The following CA7 variants were observed in gnomAD, a reference collection of about 807,000 sequenced individuals.
CA7 encodes the protein carbonate dehydratase VII.
A neutral mutation model predicts 31.4 loss-of-function variants in CA7; 13 were observed. The observed-to-expected ratio is 0.41, with a 90% CI of 0.27 to 0.66. The LOEUF (loss-of-function observed/expected upper bound fraction) is 0.66. Among genes scored for constraint, CA7 ranks in the 30% least tolerant of loss-of-function variants. CA7 has a pLI of 0.28. For synonymous variants in CA7, 128 were observed against 133.2 expected (o/e 0.96, Z 0.27); for missense variants, 215 against 351.0 (o/e 0.61, Z 3.10).
At chr16:66,845,210 CAG>C in intron 1 of CA7, 1 of 985,396 alleles carries the variant, frequency 1.0e-6, no homozygotes, top group Non-Finnish European at 1.2e-6. Flanking sequence ...CCTTAGGACT[CAG>C]AGAAAGGGAG....
intron 1 of CA7, chr16:66,844,885 G>A: frequency 6.6e-6 from 7 of 1,065,280 alleles, no homozygotes; most frequent in Non-Finnish European, 8.0e-6. Flanking sequence ...GCAGCGGGGG[G>A]CGGGCGCCGC....
chr16:66,849,756 C>T (rs912514853), intron 2 of CA7, among the ~76,000 whole-genome samples: 1 of 152,074 alleles, frequency 6.6e-6, no homozygotes, highest in Non-Finnish European at 1.5e-5. Context: ...TGCCACCTGC[C>T]GGCTGTCAGG....
intron 6 of CA7, 116 bp downstream of exon 6, chr16:66,852,983 C>T (rs557867494): frequency 1.4e-5 from 12 of 878,808 alleles, no homozygotes; most frequent in Non-Finnish European, 2.0e-5. Context: ...GGTTCCTCCC[C>T]ATTTTTTACT....
rs1960948998 is a variant in CA7 at position 66,847,259 on chromosome 16, GCCCCTGGCC to G, written c.238+35_238+43del. The G allele has an allele frequency of 5.0e-6, 8 of 1,599,482 alleles. No individual in the cohort carries two copies. The African/African-American group carries it at 6.7e-5, about 13-fold the overall frequency. ...GGCCCCTGCCAAAGCCTGGCACCTGGCCCCTGGCCCCTTAGGGTCCTAACCTTGTGTTGG... is the reference window on the plus strand; with the variant it reads ...GGCCCCTGCCAAAGCCTGGCACCTGGCCTTAGGGTCCTAACCTTGTGTTGG... On this transcript the variant is annotated intron_variant, in intron 2 of 6. Transcript: ENST00000338437.
chr16:66,846,957 C>T (rs575554312), intron 1 of CA7, 73 bp from the exon 2 acceptor site: 12 of 1,286,322 alleles, frequency 9.3e-6, no homozygotes, highest in South Asian at 6.1e-5. Context: ...AGACCATTCC[C>T]CTATGGGTGT....
At chr16:66,852,105 T>G (rs1961068966) in intron 5 of CA7, among the ~76,000 whole-genome samples, 1 of 152,072 alleles carries the variant, frequency 6.6e-6, no homozygotes, top group South Asian at 2.1e-4. Flanking sequence ...GCATCTGGGA[T>G]CACAGACATT....
intron 2 of CA7, among the ~76,000 whole-genome samples, chr16:66,847,877 G>A (rs745607705): frequency 6.6e-6 from 1 of 152,202 alleles, no homozygotes; most frequent in African/African-American, 2.4e-5. Context: ...TTTGCCCTGG[G>A]ATTAGAGTCC....
At chr16:66,848,565 A>C (rs993978397) in intron 2 of CA7, among the ~76,000 whole-genome samples, 4 of 151,730 alleles carry the variant, frequency 2.6e-5, no homozygotes, top group Non-Finnish European at 5.9e-5. Flanking sequence ...CAGAATGCCC[A>C]GGCCGGAGGG....
At chr16:66,850,700 A>G in intron 3 of CA7, 41 bp downstream of exon 3, 1 of 1,419,016 alleles carries the variant, frequency 7.0e-7, no homozygotes, top group Non-Finnish European at 1.0e-6. Flanking sequence ...GCTACATGGG[A>G]AGGAACGCAG....
chr16:66,844,419 C>T lies in CA7; in HGVS notation c.-69C>T. The T allele has an allele frequency of 2.9e-6, 4 of 1,366,232 alleles. No individual in the cohort carries two copies. Among genetic ancestry groups the T allele is most frequent in the Non-Finnish European group, 4.0e-6 (4 of 1,007,314 alleles). The allele number at this position is 1,366,232 out of a possible 1,614,324, so 84.6% of individuals were successfully genotyped here. On this transcript the variant is annotated 5_prime_UTR_variant, in exon 1 of 7. Transcript: ENST00000338437. ...GCTGCTCCGCGGTAGCGAGCGGGGCCGGAGCCGCAGCCCGAACGAGCGGAC... is the reference window on the plus strand; with the variant it reads ...GCTGCTCCGCGGTAGCGAGCGGGGCTGGAGCCGCAGCCCGAACGAGCGGAC...
intron 1 of CA7, 87 bp downstream of exon 1, chr16:66,844,614 A>G: frequency 8.4e-7 from 1 of 1,190,956 alleles, no homozygotes; most frequent in Non-Finnish European, 1.2e-6. Context: ...CTGGTTTCCC[A>G]GACCGGAAAG....
intron 1 of CA7, 144 bp from the exon 2 acceptor site, chr16:66,846,886 G>T: frequency 1.5e-6 from 1 of 658,764 alleles, no homozygotes. Context: ...GCAAAGCTGG[G>T]ATTGGAACTC....
At chr16:66,850,133 A>G (rs953441337) in intron 2 of CA7, among the ~76,000 whole-genome samples, 3 of 151,518 alleles carry the variant, frequency 2.0e-5, no homozygotes, top group Non-Finnish European at 4.4e-5. Context: ...AAAAAAAAAA[A>G]AAAAAAAAAA....
chr16:66,850,332 C>CG (rs1167537385), intron 2 of CA7, among the ~76,000 whole-genome samples: 6 of 151,592 alleles, frequency 4.0e-5, no homozygotes, highest in Non-Finnish European at 5.9e-5. Context: ...CCCAGCTACT[C>CG]GGGGGGGCCA....
At chr16:66,852,596 AGAAAAGAAAAG>A (rs199939840) in intron 5 of CA7, 105 bp from the exon 6 acceptor site, 2 of 246,442 alleles carry the variant, frequency 8.1e-6, no homozygotes, top group Non-Finnish European at 1.2e-5. Context: ...GAAAAAAAAA[AGAAAAGAAAAG>A]AAAAAAGAAA....
chr16:66,847,026 G>A lies in CA7; in HGVS notation c.41-4G>A, dbSNP rs1446256466. Reference sequence around the variant, plus strand: ...TGAGTCCTTGCCCTCCTCCCCACCTGCAGGCCCCTCGCATTGGCACAAGCT... The same window carrying A: ...TGAGTCCTTGCCCTCCTCCCCACCTACAGGCCCCTCGCATTGGCACAAGCT... On this transcript the variant is annotated splice_polypyrimidine_tract_variant and splice_region_variant and intron_variant, in intron 1 of 6. Transcript: ENST00000338437. 4 of 1,614,028 alleles carry A rather than the reference G, an allele frequency of 2.5e-6. No individual in the cohort carries two copies. In the Admixed American group the frequency reaches 5.0e-5, roughly 20 times the overall value.
At chr16:66,852,917 C>T in intron 6 of CA7, 50 bp downstream of exon 6, 3 of 1,554,580 alleles carry the variant, frequency 1.9e-6, no homozygotes, top group Non-Finnish European at 2.6e-6. Flanking sequence ...TCAGGGCTCA[C>T]CCCAGGCAGT....
intron 2 of CA7, 101 bp from the exon 3 acceptor site, chr16:66,850,440 C>CAAA: frequency 1.7e-6 from 1 of 589,422 alleles, no homozygotes; most frequent in Non-Finnish European, 3.1e-6. Context: ...GACCCTGACT[C>CAAA]AAAAAAAAAA....
Position 66,853,574 on chromosome 16 carries a change from T to G in CA7, c.*76T>G. 1 of 1,580,892 alleles carries G rather than the reference T, an allele frequency of 6.3e-7. No homozygotes were observed. The highest frequency in any genetic ancestry group is 1.3e-5 in the African/African-American group (1 of 74,432). The stretch of plus-strand genomic sequence containing the variant: ...CCATGTCAGCAGACACCAAACCATC[T>G]GAGGCTTCCTCCCTGGGGGGTGCTG... On this transcript the variant is annotated 3_prime_UTR_variant, in exon 7 of 7. Transcript: ENST00000338437. This position sits in a 1 kb window ranked among gnomAD's most constrained non-coding sequence, Gnocchi z 4.5.
Sources: allele counts gnomAD v4.1 joint callset (sites outside exome capture counted in the v4.1 genomes callset), GRCh38; gene constraint gnomAD v4.1.1; non-coding constraint Gnocchi (gnomAD v3.1); transcripts MANE v1.5; gene names NCBI Gene and HGNC (gene_info 2026-07-23, HGNC 2026-07-21).